ARHGEF4: variants seen among roughly 807,000 people sequenced by gnomAD.
ARHGEF4 encodes Rho guanine nucleotide exchange factor 4, also known as APC-stimulated guanine nucleotide exchange factor 1.
Under a neutral mutation model 162.0 loss-of-function variants are expected in ARHGEF4, and 119 were observed. The ratio of observed to expected loss-of-function variants is 0.73; its 90% CI spans 0.63 to 0.86. The LOEUF (loss-of-function observed/expected upper bound fraction) is 0.86. Ranked by LOEUF, ARHGEF4 falls within the 40% of genes least tolerant of loss-of-function variation. The pLI, the probability that ARHGEF4 is intolerant of heterozygous loss-of-function variation, is 0.00. For missense variants in ARHGEF4, 2,488 were observed against 2,456.0 expected, an observed-to-expected ratio of 1.01 and a Z score of -0.28; for synonymous variants, 1,014 against 979.9, an observed-to-expected ratio of 1.03 and a Z score of -0.65.
intron 4 of ARHGEF4, among the ~76,000 whole-genome samples, chr2:130,995,661 G>A (rs1230626121): frequency 1.3e-5 from 2 of 152,134 alleles, no homozygotes; most frequent in African/African-American, 4.8e-5. Flanking sequence ...CTTCTGCCAA[G>A]GAACTCTGAG....
chr2:131,040,116 A>G lies in ARHGEF4; in HGVS notation c.4406A>G (p.Gln1469Arg), dbSNP rs145927549. The stretch of plus-strand genomic sequence containing the variant: ...GCGGAGGCGCAGAGCAGCAAGGACC[A>G]GATGCGGACCAACGTCATCAACGAG... ...GGAEAQSSKD[Q>R]MRTNVINEIL... The change falls in exon 7 of 14, where the codon CAG becomes CGG. Residue 1469 changes from glutamine (Q) to arginine (R), a missense_variant. Physicochemically the swap from Gln to Arg is conservative, Grantham distance 43. Coordinates refer to ENST00000409359, the MANE Select transcript of ARHGEF4 (RefSeq NM_001367493.1). 3.5e-4 allele frequency: 560 copies of G among 1,612,986 alleles called. 3 individuals are homozygous for G. The highest frequency in any genetic ancestry group is 1.6e-4 in the Middle Eastern group (1 of 6,084).
chr2:130,926,014 C>CTCTTTCTTCCTTCCTTTCTTTCTT (rs1553514613), intron 2 of ARHGEF4, among the ~76,000 whole-genome samples: 1 of 97,206 alleles, frequency 1.0e-5, no homozygotes, highest in African/African-American at 5.0e-5. Context: ...TTGGTTTTCT[C>CTCTTTCTTCCTTCCTTTCTTTCTT]TCTTTCTTTC....
intron 4 of ARHGEF4, among the ~76,000 whole-genome samples, chr2:130,994,928 T>C (rs549635615): frequency 1.3e-5 from 2 of 152,334 alleles, no homozygotes; most frequent in African/African-American, 2.4e-5. Flanking sequence ...CACTTCAGAG[T>C]CAGCCTGACT....
Position 130,931,108 on chromosome 2 carries a change from G to T in ARHGEF4, c.3709G>T (p.Ala1237Ser), listed in dbSNP as rs776243134. The change falls in exon 3 of 14, where the codon GCT becomes TCT. Residue 1237 changes from alanine to serine, a missense_variant. By Grantham distance (99) the Ala-to-Ser change is moderately conservative. Transcript: ENST00000409359. ...CISAETVRGE[A>S]PSQPRGIPHR... ...CTCTGCAGAGACTGTGCGTGGGGAG[G>T]CTCCTTCACAGCCTAGGGGCATCCC... is the stretch of plus-strand genomic sequence containing the variant. 48 of 1,614,046 alleles carry T rather than the reference G, an allele frequency of 3.0e-5. No homozygotes were observed. The highest frequency in any genetic ancestry group is 4.0e-5 in the Non-Finnish European group (47 of 1,180,038).
At chr2:130,950,207 C>T (rs1001827819) in intron 4 of ARHGEF4, among the ~76,000 whole-genome samples, 1 of 152,200 alleles carries the variant, frequency 6.6e-6, no homozygotes, top group Non-Finnish European at 1.5e-5. Flanking sequence ...GGGAGCTCCT[C>T]CCCCTCACTA....
In ARHGEF4 at chr2:131,043,524, G is replaced by C. The variant is rs773762975; in HGVS notation, c.5098G>C (p.Ala1700Pro). 1.2e-6 allele frequency: 2 copies of C among 1,613,986 alleles called. No homozygotes were observed. Among genetic ancestry groups the C allele is most frequent in the African/African-American group, 1.3e-5 (1 of 74,938 alleles). ...GELTRVTQPQ[A>P]KSQQRMFFLF... ...GCTGACTCGAGTTACACAGCCTCAAGCCAAAAGCCAGCAGCGAATGTTCTT... is the reference window on the plus strand; with the variant it reads ...GCTGACTCGAGTTACACAGCCTCAACCCAAAAGCCAGCAGCGAATGTTCTT... The change falls in exon 11 of 14, where the codon GCC becomes CCC. Residue 1700 changes from alanine (A) to proline (P), a missense_variant. Ala to Pro is a conservative substitution (Grantham distance 27). This residue lies in a region of ARHGEF4 where 415 missense variants were observed against 512.4 expected (regional missense o/e 0.81). Coordinates refer to ENST00000409359, the MANE Select transcript of ARHGEF4 (RefSeq NM_001367493.1).
intron 4 of ARHGEF4, among the ~76,000 whole-genome samples, chr2:131,003,544 G>A (rs1040416790): frequency 2.0e-5 from 3 of 152,216 alleles, no homozygotes; most frequent in Non-Finnish European, 4.4e-5. Context: ...TGAGTTGCCT[G>A]TGGACAGGTG....
intron 1 of ARHGEF4, among the ~76,000 whole-genome samples, chr2:130,906,342 A>AT (rs1680810759): frequency 6.6e-6 from 1 of 152,196 alleles, no homozygotes; most frequent in African/African-American, 2.4e-5. Context: ...TGTATATATT[A>AT]ACCCATATAT....
intron 4 of ARHGEF4, among the ~76,000 whole-genome samples, chr2:130,983,078 A>G (rs1292457281): frequency 6.6e-6 from 1 of 152,222 alleles, no homozygotes; most frequent in Non-Finnish European, 1.5e-5. Flanking sequence ...CTGCATATCT[A>G]ATGAGCATCA....
rs1174676067 is a variant in ARHGEF4, at chr2:130,940,735, G to A, written c.3859-5774G>A. On this transcript the variant is annotated intron_variant, in intron 3 of 13. Coordinates refer to ENST00000409359, the MANE Select transcript of ARHGEF4 (RefSeq NM_001367493.1). Reference sequence around the variant, plus strand: ...AGTCCCAGCTACTCGGAGAGGCTGAGGCAGGAGAATGGCATGAACCCGGGA... The same window carrying A: ...AGTCCCAGCTACTCGGAGAGGCTGAAGCAGGAGAATGGCATGAACCCGGGA... 1.5e-4 allele frequency among the ~76,000 whole-genome samples: 23 copies of A among 149,972 alleles called. 1 individual carries two copies. Among genetic ancestry groups the A allele is most frequent in the Non-Finnish European group, 4.4e-5 (3 of 67,642 alleles).
intron 1 of ARHGEF4, among the ~76,000 whole-genome samples, chr2:130,870,573 AAGTGAGTG>A (rs1187899438): frequency 6.6e-6 from 1 of 152,118 alleles, no homozygotes; most frequent in African/African-American, 2.4e-5. Context: ...ATGCACCTTG[AAGTGAGTG>A]AGGGTCAAAG....
chr2:131,035,967 G>C, intron 5 of ARHGEF4: 1 of 646,430 alleles, frequency 1.5e-6, no homozygotes, highest in Non-Finnish European at 1.9e-6. Flanking sequence ...CCTGCCCTGG[G>C]CTATTTGAGT....
intron 1 of ARHGEF4, among the ~76,000 whole-genome samples, chr2:130,878,834 A>G (rs961187051): frequency 6.6e-6 from 1 of 152,244 alleles, no homozygotes; most frequent in Non-Finnish European, 1.5e-5. Flanking sequence ...GGTTCTTTGC[A>G]GCTGTAATGT....
chr2:130,942,749 A>G (rs1412659301), intron 3 of ARHGEF4, among the ~76,000 whole-genome samples: 1 of 152,216 alleles, frequency 6.6e-6, no homozygotes, highest in East Asian at 1.9e-4. Flanking sequence ...TAATAGAATT[A>G]CCTTTCTATT....
At chr2:130,845,388 T>C (rs1256679737) in intron 1 of ARHGEF4, among the ~76,000 whole-genome samples, 1 of 151,974 alleles carries the variant, frequency 6.6e-6, no homozygotes, top group Non-Finnish European at 1.5e-5. Flanking sequence ...CACACACCTG[T>C]AGTCCCAGCT....
chr2:130,850,925 G>A (rs142791716), intron 1 of ARHGEF4, among the ~76,000 whole-genome samples: 1,656 of 152,368 alleles, frequency 0.011, 12 homozygotes, highest in Non-Finnish European at 0.017. Flanking sequence ...TCTGTCCCAT[G>A]CAGGCCTGAG....
chr2:130,941,329 G>A (rs1039482108), intron 3 of ARHGEF4, among the ~76,000 whole-genome samples: 5 of 151,278 alleles, frequency 3.3e-5, no homozygotes, highest in Non-Finnish European at 5.9e-5. Flanking sequence ...TCAGCCTCCC[G>A]AGTAGCTAGG....
intron 3 of ARHGEF4, among the ~76,000 whole-genome samples, chr2:130,936,095 C>T (rs1682927983): frequency 6.6e-6 from 1 of 152,060 alleles, no homozygotes; most frequent in Admixed American, 6.6e-5. Flanking sequence ...AACTTGTTTT[C>T]TGTAAAAGAC....
intron 1 of ARHGEF4, among the ~76,000 whole-genome samples, chr2:130,851,189 A>G (rs1385899277): frequency 6.6e-6 from 1 of 152,258 alleles, no homozygotes; most frequent in Non-Finnish European, 1.5e-5. Context: ...AGGACCTGCC[A>G]GAGGCCAGCA....
Sources: gnomAD v4.1 joint callset for allele counts (sites outside exome capture counted in the v4.1 genomes callset) on GRCh38, gnomAD v4.1.1 for gene constraint, gnomAD v4.1.1 regional missense constraint, MANE v1.5 for transcripts, NCBI Gene and HGNC (gene_info 2026-07-23, HGNC 2026-07-21) for gene names.